The following PAPOLA variants were observed in gnomAD, a reference collection of about 807,000 sequenced individuals.
PAPOLA encodes the protein poly(A) polymerase alpha, also known as polynucleotide adenylyltransferase alpha.
PAPOLA carries 15 observed loss-of-function variants against 100.6 expected under a neutral mutation model. That is an observed-to-expected ratio of 0.15 (90% CI 0.10 to 0.23). The LOEUF is 0.23. Among genes scored for constraint, PAPOLA ranks in the 10% least tolerant of loss-of-function variants. The pLI is 1.00. For missense variants in PAPOLA, 533 were observed against 884.2 expected (o/e 0.60, Z 5.04); for synonymous variants, 293 against 300.0 (o/e 0.98, Z 0.24).
intron 3 of PAPOLA, among the ~76,000 whole-genome samples, chr14:96,524,503 TC>T (rs533889294): frequency 1.3e-5 from 2 of 152,036 alleles, no homozygotes; most frequent in Non-Finnish European, 2.9e-5. Context: ...CCCTTCCCCT[TC>T]CCTTCTTCCC....
At chr14:96,546,110 C>A (rs1454564260) in intron 15 of PAPOLA, among the ~76,000 whole-genome samples, 1 of 152,108 alleles carries the variant, frequency 6.6e-6, no homozygotes, top group South Asian at 2.1e-4. Flanking sequence ...TCACTCCCAA[C>A]CCCTACCAGT....
chr14:96,542,765 T>C lies in PAPOLA; in HGVS notation c.1170-9T>C. ...AACTTTTTGTTAATACTAAGTGACATTTGTTCAGGGTGGGCTTGGTGGAAT... is the reference window on the plus strand; with the variant it reads ...AACTTTTTGTTAATACTAAGTGACACTTGTTCAGGGTGGGCTTGGTGGAAT... On this transcript the variant is annotated splice_polypyrimidine_tract_variant and intron_variant, in intron 13 of 21. Transcript: ENST00000216277. 1 of 1,589,236 alleles carries C rather than the reference T, an allele frequency of 6.3e-7. No homozygotes were observed. The highest frequency in any genetic ancestry group is 8.5e-7 in the Non-Finnish European group (1 of 1,174,096).
intron 1 of PAPOLA, among the ~76,000 whole-genome samples, chr14:96,516,584 C>T (rs1398832831): frequency 6.6e-6 from 1 of 152,122 alleles, no homozygotes; most frequent in Non-Finnish European, 1.5e-5. Flanking sequence ...GTGATTTTCC[C>T]CTGCTGTGCC....
In PAPOLA at chr14:96,520,078, A is replaced by G. The variant is rs1897817261; in HGVS notation, c.32A>G (p.Gln11Arg). The G allele has an allele frequency of 6.2e-7, 1 of 1,613,334 alleles. No homozygotes were observed. Among genetic ancestry groups the G allele is most frequent in the Non-Finnish European group, 8.5e-7 (1 of 1,179,740 alleles). The change falls in exon 2 of 22, where the codon CAA becomes CGA. Residue 11 changes from glutamine to arginine, a missense_variant. Coordinates refer to ENST00000216277, the MANE Select transcript of PAPOLA (RefSeq NM_032632.5). The stretch of plus-strand genomic sequence containing the variant: ...AGTCCAGTTACAACACAGGGATCAC[A>G]ACAAACACAACCGCCACAGAAGCAC... MPFPVTTQGS[Q>R]QTQPPQKHYG... is the part of the protein sequence containing the mutation.
intron 16 of PAPOLA, among the ~76,000 whole-genome samples, chr14:96,550,287 A>G (rs1040609963): frequency 1.3e-5 from 2 of 152,214 alleles, no homozygotes; most frequent in African/African-American, 4.8e-5. Flanking sequence ...ATAAACAGCT[A>G]TTTATAACAG....
At chr14:96,537,803 C>T (rs1309182112) in intron 12 of PAPOLA, 3 of 151,708 alleles carry the variant, frequency 2.0e-5, no homozygotes, top group Admixed American at 2.0e-4. Context: ...ATGCTTGAAG[C>T]TTTTCTGACC....
intron 12 of PAPOLA, among the ~76,000 whole-genome samples, chr14:96,538,063 C>G (rs1373322154): frequency 6.6e-6 from 1 of 151,968 alleles, no homozygotes; most frequent in Non-Finnish European, 1.5e-5. Context: ...ATTGTGATTT[C>G]TGTTTGACAG....
chr14:96,527,405 G>A, intron 4 of PAPOLA, 25 bp from the exon 5 acceptor site: 1 of 1,357,208 alleles, frequency 7.4e-7, no homozygotes, highest in Non-Finnish European at 1.1e-6. Flanking sequence ...ATTAATTAGT[G>A]GTTGATGGGC....
At chr14:96,558,096 T>C (rs2140331870) in intron 19 of PAPOLA, among the ~76,000 whole-genome samples, 1 of 152,304 alleles carries the variant, frequency 6.6e-6, no homozygotes, top group Non-Finnish European at 1.5e-5. Context: ...TGTAATTATC[T>C]CTTAGGGCAG....
At chr14:96,517,698 C>CTTTTTTT (rs774296764) in intron 1 of PAPOLA, among the ~76,000 whole-genome samples, 1 of 121,868 alleles carries the variant, frequency 8.2e-6, no homozygotes, top group African/African-American at 3.1e-5. Context: ...TCAGCAAATG[C>CTTTTTTT]TTTTTTTTTT....
chr14:96,560,386 C>G (rs1901741245), intron 19 of PAPOLA: 1 of 295,428 alleles, frequency 3.4e-6, no homozygotes. Context: ...TCTATGAACT[C>G]TTAGTGGTTT....
chr14:96,509,433 T>G (rs886146658), intron 1 of PAPOLA, among the ~76,000 whole-genome samples: 1 of 152,224 alleles, frequency 6.6e-6, no homozygotes. Flanking sequence ...AATAAAAATG[T>G]ATACAAAAGT....
At chr14:96,553,227 T>A (rs1011059110) in intron 17 of PAPOLA, 5 of 152,140 alleles carry the variant, frequency 3.3e-5, no homozygotes, top group African/African-American at 1.2e-4. Flanking sequence ...AGTGAAAAAT[T>A]TTCAGCCAGG....
chr14:96,505,417 G>C (rs1406323684), intron 1 of PAPOLA, among the ~76,000 whole-genome samples: 2 of 152,202 alleles, frequency 1.3e-5, no homozygotes, highest in Non-Finnish European at 2.9e-5. Context: ...GTGTTGGTCA[G>C]ATATTTTTGG....
chr14:96,545,238 G>A (rs1362442629), intron 15 of PAPOLA, among the ~76,000 whole-genome samples: 3 of 152,000 alleles, frequency 2.0e-5, no homozygotes, highest in Admixed American at 6.6e-5. Context: ...AGTCAGTATC[G>A]TACACTAACT....
intron 11 of PAPOLA, 43 bp from the exon 12 acceptor site, chr14:96,536,933 G>A (rs1373227448): frequency 9.3e-7 from 1 of 1,078,824 alleles, no homozygotes; most frequent in African/African-American, 1.6e-5. Context: ...ATTCTAGATT[G>A]TAGACTGAAG....
At chr14:96,550,579 G>A (rs1595550663) in intron 16 of PAPOLA, among the ~76,000 whole-genome samples, 1 of 152,136 alleles carries the variant, frequency 6.6e-6, no homozygotes, top group Non-Finnish European at 1.5e-5. Flanking sequence ...TTCAGTGCCT[G>A]TTACCACATA....
At chr14:96,527,880 G>A (rs540797548) in intron 5 of PAPOLA, 73 bp from the exon 6 acceptor site, 102 of 1,000,388 alleles carry the variant, frequency 1.0e-4, no homozygotes, top group Non-Finnish European at 1.5e-4. Context: ...CAGGTGTTTT[G>A]CTAAAGTACT....
At chr14:96,528,362 A>ATT (rs1325584734) in intron 6 of PAPOLA, among the ~76,000 whole-genome samples, 1 of 152,224 alleles carries the variant, frequency 6.6e-6, no homozygotes, top group Non-Finnish European at 1.5e-5. Flanking sequence ...CTTTGACTTC[A>ATT]TTTAAAAATT....
Sources: gnomAD v4.1 joint callset for allele counts (sites outside exome capture counted in the v4.1 genomes callset) on GRCh38, gnomAD v4.1.1 for gene constraint, MANE v1.5 for transcripts, NCBI Gene and HGNC (gene_info 2026-07-23, HGNC 2026-07-21) for gene names.